NUP155: variants seen among roughly 807,000 people sequenced by gnomAD.
NUP155 encodes nuclear pore complex protein Nup155.
A neutral mutation model predicts 180.4 loss-of-function variants in NUP155; 71 were observed. That is an observed-to-expected ratio of 0.39 (90% CI 0.33 to 0.48). The LOEUF (loss-of-function observed/expected upper bound fraction) is 0.48. Ranked by LOEUF, NUP155 falls within the 20% of genes least tolerant of loss-of-function variation. The probability of loss-of-function intolerance (pLI) is 0.91; values close to 1 mark genes in which losing one functional copy is unlikely to be tolerated. For missense variants in NUP155, 1,553 were observed against 1,648.9 expected, an observed-to-expected ratio of 0.94 and a Z score of 1.01; for synonymous variants, 582 against 559.5, an observed-to-expected ratio of 1.04 and a Z score of -0.57.
intron 12 of NUP155, among the ~76,000 whole-genome samples, chr5:37,335,882 C>A (rs1430897604): frequency 6.6e-6 from 1 of 151,974 alleles, no homozygotes; most frequent in Non-Finnish European, 1.5e-5. Flanking sequence ...GTAGGAGGAT[C>A]CCCTGAGCCT....
chr5:37,348,238 A>G (rs1469915487), intron 9 of NUP155, among the ~76,000 whole-genome samples: 2 of 152,068 alleles, frequency 1.3e-5, no homozygotes, highest in Admixed American at 1.3e-4. Context: ...CAGGAGGTGG[A>G]GGTTGCAGTG....
chr5:37,342,814 G>A (rs1392663353), intron 9 of NUP155, among the ~76,000 whole-genome samples, 168 bp from the exon 10 acceptor site: 1 of 151,946 alleles, frequency 6.6e-6, no homozygotes, highest in Non-Finnish European at 1.5e-5. Context: ...TCGGCTCACT[G>A]CAATCTCCGC....
chr5:37,310,754 A>G lies in NUP155; in HGVS notation c.2437-11T>C, dbSNP rs1239639479. 1 of 1,606,178 alleles carries G rather than the reference A, an allele frequency of 6.2e-7. No homozygotes were observed. The highest frequency in any genetic ancestry group is 8.5e-7 in the Non-Finnish European group (1 of 1,173,900). On this transcript the variant is annotated splice_polypyrimidine_tract_variant and intron_variant, in intron 22 of 34. Coordinates refer to ENST00000231498, the MANE Select transcript of NUP155 (RefSeq NM_153485.3). ...CTGCTCTTGAAGTTCCTAGGAGCAT[A>G]AAACTTTTCTATCACAATTATAGAA... is the stretch of plus-strand genomic sequence containing the variant.
At position 37,291,763 on chromosome 5, in the gene NUP155, T is replaced by C. The variant is rs2150933173; in HGVS notation, c.*137A>G. On this transcript the variant is annotated 3_prime_UTR_variant, in exon 35 of 35. Coordinates refer to ENST00000231498, the MANE Select transcript of NUP155 (RefSeq NM_153485.3). Reference sequence around the variant, plus strand: ...ATTCATTTAGCAAAGGTACTATTTGTAGATATTAGCCACTTATTAAAAACA... The same window carrying C: ...ATTCATTTAGCAAAGGTACTATTTGCAGATATTAGCCACTTATTAAAAACA... 2 of 735,290 alleles carry C rather than the reference T, an allele frequency of 2.7e-6. No individual in the cohort carries two copies. The highest frequency in any genetic ancestry group is 5.5e-5 in the Admixed American group (2 of 36,404). The allele number at this position is 735,290 out of a possible 1,614,324, so 45.5% of individuals were successfully genotyped here.
intron 15 of NUP155, 27 bp downstream of exon 15, chr5:37,330,010 TA>T (rs766989682): frequency 1.3e-6 from 2 of 1,510,866 alleles, no homozygotes; most frequent in Admixed American, 3.4e-5. Context: ...AAAAAACAAA[TA>T]AATAAACAAG....
chr5:37,301,138 T>C, intron 30 of NUP155: 1 of 333,194 alleles, frequency 3.0e-6, no homozygotes, highest in Non-Finnish European at 5.8e-6. Context: ...TGCTATTTTT[T>C]TGTAAAGATG....
In NUP155 at chr5:37,307,375, G is replaced by A. The variant is rs200951055; in HGVS notation, c.2825C>T (p.Pro942Leu). The A allele has an allele frequency of 2.5e-6, 4 of 1,613,822 alleles. No homozygotes were observed. The highest frequency in any genetic ancestry group is 3.4e-6 in the Non-Finnish European group (4 of 1,179,806). ...ATAGAAATGAAGCCCAAGACCTTGA[G>A]GATCTTTTTTCTCTGCAGCCGTAAG... ...LSLTAAEKKD[P>L]QGLGLHFYKH... Residue 942 changes from proline (P) to leucine (L), a missense_variant, in exon 25 of 35, where the codon CCT becomes CTT. Coordinates refer to ENST00000231498, the MANE Select transcript of NUP155 (RefSeq NM_153485.3).
Position 37,292,018 on chromosome 5 carries a change from C to A in NUP155, c.4058G>T (p.Cys1353Phe). The A allele has an allele frequency of 3.7e-6, 6 of 1,614,084 alleles. No homozygotes were observed. The highest frequency in any genetic ancestry group is 5.1e-6 in the Non-Finnish European group (6 of 1,179,974). Reference sequence around the variant, plus strand: ...AAGGTAACCACAAACAGCATCCAGGCAGAGATTTGTAAATCTTCTCCTACA... The same window carrying A: ...AAGGTAACCACAAACAGCATCCAGGAAGAGATTTGTAAATCTTCTCCTACA... ...NCERRRFTNL[C>F]LDAVCGYLVE... Residue 1353 changes from cysteine (C) to phenylalanine (F), a missense_variant, in exon 35 of 35, where the codon TGC (cysteine) becomes TTC (phenylalanine). By Grantham distance (205) the Cys-to-Phe change is radical (BLOSUM62 -2). Coordinates refer to ENST00000231498, the MANE Select transcript of NUP155 (RefSeq NM_153485.3).
chr5:37,333,313 C>T, intron 13 of NUP155, 150 bp downstream of exon 13: 1 of 715,908 alleles, frequency 1.4e-6, no homozygotes, highest in Non-Finnish European at 2.5e-6. Flanking sequence ...TGAGATCACA[C>T]CACTGCACTC....
chr5:37,329,100 A>G (rs1744789647), intron 16 of NUP155, 90 bp downstream of exon 16: 2 of 882,378 alleles, frequency 2.3e-6, no homozygotes, highest in South Asian at 2.8e-5. Context: ...TAAATAAAAC[A>G]TAATGAAAAG....
At chr5:37,367,802 GAGAA>G (rs1182136813) in intron 1 of NUP155, among the ~76,000 whole-genome samples, 2 of 151,746 alleles carry the variant, frequency 1.3e-5, no homozygotes, top group African/African-American at 4.8e-5. Flanking sequence ...CATTTCTTTT[GAGAA>G]AGAGTCTCCC....
In NUP155 at chr5:37,341,237, T is replaced by G; in HGVS notation, c.1099A>C (p.Arg367=). The G allele has an allele frequency of 6.2e-7, 1 of 1,613,814 alleles. No homozygotes were observed. Residue 367 remains arginine, a synonymous_variant, in exon 11 of 35, where the codon AGG becomes CGG. Transcript: ENST00000231498. ...AATGGACAAGTGCTAAAATATAACCTAACACCTGAAGATGGGGTAAAATTA... is the reference window on the plus strand; with the variant it reads ...AATGGACAAGTGCTAAAATATAACCGAACACCTGAAGATGGGGTAAAATTA... ...QLLAVTHAGV[R]LYFSTCPFRQ...
intron 19 of NUP155, among the ~76,000 whole-genome samples, chr5:37,325,185 A>G (rs1391879629): frequency 6.6e-6 from 1 of 152,028 alleles, no homozygotes; most frequent in Non-Finnish European, 1.5e-5. Flanking sequence ...AGCAAAAAGC[A>G]GTCTGTAAAG....
chr5:37,303,845 G>A (rs574505299), intron 27 of NUP155, among the ~76,000 whole-genome samples: 49 of 151,992 alleles, frequency 3.2e-4, no homozygotes, highest in Non-Finnish European at 6.3e-4. Flanking sequence ...GGAGGGTTAG[G>A]TGTGAGGATC....
At chr5:37,350,871 G>A (rs1448923568) in intron 6 of NUP155, among the ~76,000 whole-genome samples, 1 of 144,884 alleles carries the variant, frequency 6.9e-6, no homozygotes, top group Non-Finnish European at 1.5e-5. Context: ...TAATCCAAGT[G>A]AAAACACATA....
At chr5:37,340,277 C>A (rs951182478) in intron 11 of NUP155, among the ~76,000 whole-genome samples, 1 of 151,868 alleles carries the variant, frequency 6.6e-6, no homozygotes, top group South Asian at 2.1e-4. Context: ...CCTATCTCTA[C>A]AAAAAGTACA....
At chr5:37,307,895 C>T (rs1462815545) in intron 24 of NUP155, among the ~76,000 whole-genome samples, 2 of 145,054 alleles carry the variant, frequency 1.4e-5, no homozygotes, top group Non-Finnish European at 1.5e-5. Context: ...GCACTCCAGC[C>T]TGGGTGACAG....
Position 37,303,331 on chromosome 5 carries a change from C to T in NUP155, c.3246G>A (p.Trp1082Ter), listed in dbSNP as rs1742968554. 2 of 1,613,944 alleles carry T rather than the reference C, an allele frequency of 1.2e-6. No individual in the cohort carries two copies. Among genetic ancestry groups the T allele is most frequent in the Non-Finnish European group, 1.7e-6 (2 of 1,179,970 alleles). ...AACTTCTGTTCTTCTCGTAATACCG[C>T]CAGAGTAAATCCATATAACGAACTC... ...QNRVRYMDLL[W>*]RYYEKNRSFS... is the part of the protein sequence containing the mutation. Residue 1082 changes from tryptophan (W) to a stop codon, truncating the protein, a stop_gained, in exon 28 of 35, where the codon TGG (tryptophan) becomes TGA (stop). Coordinates refer to ENST00000231498, the MANE Select transcript of NUP155 (RefSeq NM_153485.3). LOFTEE classifies it high-confidence loss of function.
chr5:37,350,475 A>G (rs570726693), intron 6 of NUP155, among the ~76,000 whole-genome samples: 2 of 152,260 alleles, frequency 1.3e-5, no homozygotes, highest in South Asian at 2.1e-4. Flanking sequence ...AAATACTGAC[A>G]AGGAAAGAAT....
Sources: allele counts gnomAD v4.1 joint callset (sites outside exome capture counted in the v4.1 genomes callset), GRCh38; gene constraint gnomAD v4.1.1; transcripts MANE v1.5; gene names NCBI Gene and HGNC (gene_info 2026-07-23, HGNC 2026-07-21).